The following LRRC37A2 variants were observed in gnomAD, a reference collection of about 807,000 sequenced individuals.
LRRC37A2 encodes the protein leucine rich repeat containing 37 member A2, also known as leucine-rich repeat-containing protein 37A2.
A neutral mutation model predicts 68.8 loss-of-function variants in LRRC37A2; 9 were observed. The observed-to-expected ratio is 0.13, with a 90% CI of 0.08 to 0.23. LRRC37A2 has a LOEUF of 0.23. Among genes scored for constraint, LRRC37A2 ranks in the 10% least tolerant of loss-of-function variants. The pLI, the probability that LRRC37A2 is intolerant of heterozygous loss-of-function variation, is 1.00. For missense variants in LRRC37A2, 168 were observed against 950.4 expected (o/e 0.18, Z 10.82); for synonymous variants, 63 against 367.6 (o/e 0.17, Z 9.48).
At chr17:46,940,351 C>T in the LRRC37A2 span, 22 of 1,480,896 alleles carry the variant, frequency 1.5e-5, no homozygotes, top group East Asian at 4.2e-4. Context: ...TGGGTTGGGG[C>T]CCTGCCAGAG....
chr17:46,776,373 C>T, the LRRC37A2 span, among the ~76,000 whole-genome samples: 1 of 152,234 alleles, frequency 6.6e-6, no homozygotes, highest in African/African-American at 2.4e-5. Flanking sequence ...ATCATATAAT[C>T]CCTGTGGTTT....
the LRRC37A2 span, among the ~76,000 whole-genome samples, chr17:46,927,936 C>A: frequency 6.6e-6 from 1 of 152,082 alleles, no homozygotes; most frequent in Non-Finnish European, 1.5e-5. Context: ...TACCTCACAG[C>A]CTGCGTCAGG....
the LRRC37A2 span, among the ~76,000 whole-genome samples, chr17:46,970,750 A>G: frequency 6.6e-6 from 1 of 152,344 alleles, no homozygotes; most frequent in Non-Finnish European, 1.5e-5. Flanking sequence ...TGATGTTTGC[A>G]TAAAAGAGAA....
chr17:46,824,603 C>T, the LRRC37A2 span, among the ~76,000 whole-genome samples: 5 of 152,208 alleles, frequency 3.3e-5, no homozygotes, highest in African/African-American at 9.7e-5. Context: ...ATATGTTGTC[C>T]GTCTCCAACT....
the LRRC37A2 span, among the ~76,000 whole-genome samples, chr17:46,497,026 G>A: frequency 7.5e-6 from 1 of 132,906 alleles, no homozygotes; most frequent in Non-Finnish European, 1.6e-5. Flanking sequence ...CTACCCTTTT[G>A]CTTTTAATCT....
chr17:46,855,378 A>G, the LRRC37A2 span, among the ~76,000 whole-genome samples: 3 of 152,232 alleles, frequency 2.0e-5, no homozygotes, highest in Non-Finnish European at 4.4e-5. Flanking sequence ...TTTGGCTCAC[A>G]GAACAGCATG....
chr17:46,803,582 A>T, the LRRC37A2 span, among the ~76,000 whole-genome samples: 2 of 152,296 alleles, frequency 1.3e-5, no homozygotes, highest in East Asian at 3.9e-4. Flanking sequence ...CTTGGCAAAA[A>T]CCTTACTTGC....
the LRRC37A2 span, among the ~76,000 whole-genome samples, chr17:46,765,865 A>G: frequency 6.6e-6 from 1 of 152,230 alleles, no homozygotes; most frequent in Non-Finnish European, 1.5e-5. Flanking sequence ...TTCACAAATG[A>G]AGAAGCCAGG....
the LRRC37A2 span, chr17:46,941,346 GTTTAT>G: frequency 1.0e-6 from 1 of 984,196 alleles, no homozygotes; most frequent in Non-Finnish European, 1.2e-6. Context: ...TAAAGTTGAG[GTTTAT>G]TTTATTTAGA....
the LRRC37A2 span, among the ~76,000 whole-genome samples, chr17:46,795,513 C>T: frequency 6.6e-6 from 1 of 152,202 alleles, no homozygotes; most frequent in South Asian, 2.1e-4. Context: ...GTCTAACCCT[C>T]TCAGATCCAA....
chr17:46,836,753 T>C, the LRRC37A2 span, among the ~76,000 whole-genome samples: 2 of 152,122 alleles, frequency 1.3e-5, no homozygotes, highest in African/African-American at 2.4e-5. Flanking sequence ...TGGGGTGATG[T>C]CTTGGTTGGA....
At chr17:46,476,594 G>T in the LRRC37A2 span, among the ~76,000 whole-genome samples, 3 of 104,350 alleles carry the variant, frequency 2.9e-5, no homozygotes, top group African/African-American at 9.0e-5. Context: ...TGAGATAGGA[G>T]AATCGCCTGA....
chr17:46,841,952 A>G, the LRRC37A2 span, among the ~76,000 whole-genome samples: 3 of 152,204 alleles, frequency 2.0e-5, no homozygotes, highest in African/African-American at 4.8e-5. Context: ...AGCGTCCTCC[A>G]GCGTCCGCGG....
At chr17:46,635,818 T>TGTGTGTGTGC in the LRRC37A2 span, among the ~76,000 whole-genome samples, 65 of 138,336 alleles carry the variant, frequency 4.7e-4, 1 homozygote, top group East Asian at 7.4e-3. Flanking sequence ...TGTGTGTGTG[T>TGTGTGTGTGC]GCTCGTGTGT....
chr17:46,988,791 G>C, the LRRC37A2 span, among the ~76,000 whole-genome samples: 7 of 152,202 alleles, frequency 4.6e-5, no homozygotes, highest in African/African-American at 1.7e-4. Flanking sequence ...GAAGTCATCA[G>C]CTTGTTCACC....
chr17:46,888,230 G>A, the LRRC37A2 span, among the ~76,000 whole-genome samples: 3,473 of 152,278 alleles, frequency 0.023, 115 homozygotes, highest in African/African-American at 0.08. Flanking sequence ...TGAAGCTTAG[G>A]GAGGTGTGGG....
chr17:46,966,608 C>G, the LRRC37A2 span: 1 of 687,324 alleles, frequency 1.5e-6, no homozygotes, highest in South Asian at 1.5e-5. Context: ...ATCAGCCTCC[C>G]GAAGTGCTGG....
the LRRC37A2 span, among the ~76,000 whole-genome samples, chr17:46,800,345 A>C: frequency 3.3e-5 from 5 of 152,154 alleles, no homozygotes; most frequent in Non-Finnish European, 7.4e-5. Context: ...TCCTGACCTC[A>C]GGTGATCCGC....
the LRRC37A2 span, among the ~76,000 whole-genome samples, chr17:46,913,460 C>T: frequency 6.6e-6 from 1 of 152,212 alleles, no homozygotes; most frequent in Non-Finnish European, 1.5e-5. Context: ...AGGTTGGGGC[C>T]ATGCCCCAAG....
Sources: gnomAD v4.1 joint callset for allele counts (sites outside exome capture counted in the v4.1 genomes callset) on GRCh38, gnomAD v4.1.1 for gene constraint, MANE v1.5 for transcripts, NCBI Gene and HGNC (gene_info 2026-07-23, HGNC 2026-07-21) for gene names.